The following COL18A1 variants were observed in gnomAD, a reference collection of about 807,000 sequenced individuals.
COL18A1 encodes the protein collagen type XVIII alpha 1 chain.
In COL18A1, 133 loss-of-function variants were observed where a neutral mutation model predicts 168.0. The ratio of observed to expected loss-of-function variants is 0.79; its 90% CI spans 0.69 to 0.91. COL18A1 has a LOEUF of 0.91. COL18A1 is among the 40% of genes least tolerant of loss of function. The pLI is 0.00. For synonymous variants in COL18A1, 949 were observed against 809.0 expected (o/e 1.17, Z -2.94); for missense variants, 2,126 against 1,925.4 (o/e 1.10, Z -1.95).
chr21:45,456,521 G>T (rs1217157250), intron 2 of COL18A1: 3 of 1,547,894 alleles, frequency 1.9e-6, no homozygotes, highest in African/African-American at 2.7e-5. Flanking sequence ...CGAGGCCCCC[G>T]CCGGTCGCTG....
At chr21:45,511,417 C>T (rs1214761190) in intron 41 of COL18A1, among the ~76,000 whole-genome samples, 191 bp downstream of exon 41, 1 of 152,114 alleles carries the variant, frequency 6.6e-6, no homozygotes, top group African/African-American at 2.4e-5. Context: ...ATTAGCAATG[C>T]GTTTGAGAGC....
intron 15 of COL18A1, among the ~76,000 whole-genome samples, chr21:45,483,104 C>T (rs1453138157): frequency 6.6e-6 from 1 of 152,246 alleles, no homozygotes; most frequent in African/African-American, 2.4e-5. Flanking sequence ...GGAAGCTGAG[C>T]TCATCTGGAA....
intron 2 of COL18A1, among the ~76,000 whole-genome samples, chr21:45,429,983 A>G (rs1427749539): frequency 4.0e-5 from 6 of 149,494 alleles, no homozygotes; most frequent in Non-Finnish European, 7.4e-5. Flanking sequence ...CCTCTCCTGC[A>G]TGTGCTGTGT....
intron 32 of COL18A1, among the ~76,000 whole-genome samples, chr21:45,503,704 T>C (rs949114219): frequency 2.0e-5 from 3 of 151,300 alleles, no homozygotes; most frequent in Non-Finnish European, 2.9e-5. Context: ...AGTTAGTGGG[T>C]GCAGCACACC....
At chr21:45,483,836 C>T (rs1368125483) in intron 15 of COL18A1, among the ~76,000 whole-genome samples, 1 of 152,082 alleles carries the variant, frequency 6.6e-6, no homozygotes. Flanking sequence ...GCTGAGAGGA[C>T]ATGGGCTGGG....
At chr21:45,474,112 C>G in intron 4 of COL18A1, 131 bp downstream of exon 4, 1 of 688,826 alleles carries the variant, frequency 1.5e-6, no homozygotes, top group Non-Finnish European at 2.6e-6. Context: ...GATACCATTT[C>G]TGTGCTCTCC....
chr21:45,437,822 T>A lies in COL18A1; in HGVS notation c.107-30420T>A, dbSNP rs1437456566. Among the ~76,000 whole-genome samples the A allele has an allele frequency of 6.7e-4, 15 of 22,232 alleles. 1 individual carries two copies. Among genetic ancestry groups the A allele is most frequent in the East Asian group, 2.4e-3 (2 of 830 alleles). The allele number at this position is 22,232 out of a possible 152,430, so 14.6% of individuals were successfully genotyped here. A position where few individuals can be genotyped will look rare whatever the true frequency, so the allele number is the denominator to read the frequency against. On this transcript the variant is annotated intron_variant, in intron 2 of 41. Coordinates refer to ENST00000651438, the MANE Select transcript of COL18A1 (RefSeq NM_001379500.1). ...CACACAGGCACTCTCCTGCACACAC[T>A]CACACTCAGACAAGCACTCTCCTGC...
At chr21:45,474,258 TGTGTGTCTGTGTCTGTGTG>T (rs996794626) in intron 4 of COL18A1, among the ~76,000 whole-genome samples, 1 of 151,172 alleles carries the variant, frequency 6.6e-6, no homozygotes, top group Non-Finnish European at 1.5e-5. Flanking sequence ...AAAGTGTGTG[TGTGTGTCTGTGTCTGTGTG>T]GTGTGTCTCT....
chr21:45,475,738 G>A (rs1029757727), intron 5 of COL18A1, among the ~76,000 whole-genome samples: 3 of 142,322 alleles, frequency 2.1e-5, no homozygotes, highest in African/African-American at 8.8e-5. Context: ...GCCCTGCCTG[G>A]CCGCCGCGTG....
chr21:45,472,373 G>A (rs1384060482), intron 3 of COL18A1, among the ~76,000 whole-genome samples: 3 of 152,148 alleles, frequency 2.0e-5, no homozygotes, highest in Non-Finnish European at 2.9e-5. Context: ...ACAGGCGCCC[G>A]CCACCAGGCC....
rs189488052 is a variant in COL18A1, at chr21:45,447,526, A to G, written c.107-20716A>G. On this transcript the variant is annotated intron_variant, in intron 2 of 41. Transcript: ENST00000651438. ...AAGTAATTAAGGAAGATCTAAATAA[A>G]TGGAAAGTTATCCCATGTTTATGGA... Among the ~76,000 whole-genome samples the G allele has an allele frequency of 1.6e-3, 239 of 152,328 alleles. 1 individual carries two copies. Among genetic ancestry groups the G allele is most frequent in the African/African-American group, 5.6e-3 (233 of 41,582 alleles).
rs1874107817 is a variant in COL18A1, at chr21:45,473,665, C to T, written c.652-230C>T. On this transcript the variant is annotated intron_variant, in intron 3 of 41. Coordinates refer to ENST00000651438, the MANE Select transcript of COL18A1 (RefSeq NM_001379500.1). The surrounding 1 kb of genome is among the most constrained non-coding windows in gnomAD (Gnocchi z 4.0). ...TGAGCCAAGTCTGAGGGAGCAGCCT[C>T]CGCCCAGCCGGGTGCTTTCCACATG... Among the ~76,000 whole-genome samples the T allele has an allele frequency of 6.6e-6, 1 of 152,160 alleles. No homozygotes were observed. Among genetic ancestry groups the T allele is most frequent in the Admixed American group, 6.5e-5 (1 of 15,286 alleles).
chr21:45,484,034 C>T (rs1324209162), intron 15 of COL18A1, among the ~76,000 whole-genome samples: 1 of 147,570 alleles, frequency 6.8e-6, no homozygotes, highest in Non-Finnish European at 1.5e-5. Context: ...CATGCACACA[C>T]ACACCTCTCC....
intron 2 of COL18A1, among the ~76,000 whole-genome samples, chr21:45,415,420 G>T (rs4819100): frequency 6.6e-6 from 1 of 152,146 alleles, no homozygotes; most frequent in Admixed American, 6.5e-5. Context: ...AACAGGCCCA[G>T]GGCAGCAGCC....
intron 2 of COL18A1, among the ~76,000 whole-genome samples, chr21:45,429,220 A>G (rs2033890363): frequency 6.6e-6 from 1 of 152,048 alleles, no homozygotes; most frequent in African/African-American, 2.4e-5. Context: ...GCTTTCTTTA[A>G]CTGCATCCCT....
intron 27 of COL18A1, 39 bp downstream of exon 27, chr21:45,494,610 C>T: frequency 1.2e-6 from 2 of 1,612,494 alleles, no homozygotes; most frequent in Non-Finnish European, 1.7e-6. Context: ...TGAGCTCGGG[C>T]ATGACGGCCC....
At chr21:45,505,302 C>CG in intron 35 of COL18A1, 24 bp downstream of exon 35, 1 of 1,604,374 alleles carries the variant, frequency 6.2e-7, no homozygotes, top group Non-Finnish European at 8.5e-7. Flanking sequence ...GAGTGGGCCC[C>CG]GGGCAGAGGC....
At chr21:45,437,113 T>TCACA (rs1193854116) in intron 2 of COL18A1, among the ~76,000 whole-genome samples, 1 of 53,088 alleles carries the variant, frequency 1.9e-5, no homozygotes, top group Non-Finnish European at 3.5e-5. Context: ...GCACACACAC[T>TCACA]CACACACAGA....
intron 5 of COL18A1, 52 bp downstream of exon 5, chr21:45,475,587 C>T: frequency 6.6e-7 from 1 of 1,508,932 alleles, no homozygotes; most frequent in Middle Eastern, 2.2e-4. Flanking sequence ...GGGAGAGCCC[C>T]TCCCAGCAGT....
Sources: gnomAD v4.1 joint callset for allele counts (sites outside exome capture counted in the v4.1 genomes callset) on GRCh38, gnomAD v4.1.1 for gene constraint, Gnocchi (gnomAD v3.1) non-coding constraint, MANE v1.5 for transcripts, NCBI Gene and HGNC (gene_info 2026-07-23, HGNC 2026-07-21) for gene names.